Variants in OBSL1 observed in about 807,000 individuals in gnomAD.
OBSL1 encodes the protein obscurin like cytoskeletal adaptor 1.
A neutral mutation model predicts 172.0 loss-of-function variants in OBSL1; 160 were observed. The observed-to-expected ratio is 0.93, with a 90% CI of 0.82 to 1.06. OBSL1 has a LOEUF of 1.06. Among genes scored for constraint, OBSL1 ranks in the 50% least tolerant of loss-of-function variants. OBSL1 has a pLI of 0.00. For synonymous variants in OBSL1, 1,200 were observed against 1,196.3 expected, an observed-to-expected ratio of 1.00 and a Z score of -0.06; for missense variants, 2,681 against 2,715.4, an observed-to-expected ratio of 0.99 and a Z score of 0.28.
intron 6 of OBSL1, among the ~76,000 whole-genome samples, chr2:219,565,008 A>C (rs1696776429): frequency 1.3e-5 from 2 of 152,166 alleles, no homozygotes. Context: ...CGGAGGTTGC[A>C]ATGAGCTGAG....
downstream of OBSL1, chr2:219,549,670 G>C (rs1695499591): frequency 6.2e-7 from 1 of 1,602,758 alleles, no homozygotes; most frequent in South Asian, 1.1e-5. Context: ...TGGCTTTTAG[G>C]GCAGGATTCT....
chr2:219,554,591 T>C lies in OBSL1; in HGVS notation c.4759A>G (p.Ile1587Val), dbSNP rs1695863296. 2 of 1,613,216 alleles carry C rather than the reference T, an allele frequency of 1.2e-6. No individual in the cohort carries two copies. The highest frequency in any genetic ancestry group is 1.7e-5 in the Admixed American group (1 of 59,972). Residue 1587 changes from isoleucine to valine, a missense_variant, in exon 15 of 21, where the codon ATC becomes GTC. Physicochemically the swap from Ile to Val is conservative, Grantham distance 29. Coordinates refer to ENST00000404537, the MANE Select transcript of OBSL1 (RefSeq NM_015311.3). ...CGGTGACGGTGGCCGTCCGAGTGGA[T>C]GTGACACTTGGGTCCTGGATACAGC... The part of the protein sequence containing the change: ...VQLYPGPKCH[I>V]HSDGHRHRLV...
Position 219,555,041 on chromosome 2 carries a change from C to T in OBSL1, c.4610-301G>A. 9.4e-6 allele frequency: 4 copies of T among 425,994 alleles called. No individual in the cohort carries two copies. The East Asian group carries it at 1.5e-4, about 16-fold the overall frequency. 26.4% of individuals were successfully genotyped at this position (425,994 alleles called of 1,614,324 possible). On this transcript the variant is annotated intron_variant, in intron 14 of 20. Coordinates refer to ENST00000404537, the MANE Select transcript of OBSL1 (RefSeq NM_015311.3). ...AAGGAGCACGGAATTTGGAGTCAGA[C>T]ACACTAGGAATGGAACCTCGCTCTA... is the stretch of plus-strand genomic sequence containing the variant.
intron 15 of OBSL1, chr2:219,554,248 G>T (rs931707378): frequency 3.4e-6 from 2 of 595,696 alleles, no homozygotes; most frequent in Non-Finnish European, 5.9e-6. Flanking sequence ...CAGAGTCAGT[G>T]GTTGGCTGAG....
downstream of OBSL1, among the ~76,000 whole-genome samples, chr2:219,548,512 C>T (rs1695443265): frequency 6.6e-6 from 1 of 152,126 alleles, no homozygotes; most frequent in Admixed American, 6.5e-5. Flanking sequence ...GATATGTAAG[C>T]AGGCACTTGA....
At chr2:219,564,140 T>C (rs1197790741) in intron 6 of OBSL1, among the ~76,000 whole-genome samples, 1 of 152,084 alleles carries the variant, frequency 6.6e-6, no homozygotes, top group Non-Finnish European at 1.5e-5. Context: ...GTGAGATGAG[T>C]GGGATCCATG....
intron 8 of OBSL1, among the ~76,000 whole-genome samples, chr2:219,559,945 A>G (rs544853024): frequency 1.2e-4 from 18 of 152,378 alleles, no homozygotes; most frequent in African/African-American, 3.8e-4. Context: ...ATAGCTTCAG[A>G]GCAATCAAGC....
chr2:219,547,764 A>G, downstream of OBSL1: 1 of 1,593,934 alleles, frequency 6.3e-7, no homozygotes, highest in East Asian at 2.2e-5. Flanking sequence ...CCCTACTACC[A>G]GCCAGGCTCC....
chr2:219,549,226 C>T (rs745594376), downstream of OBSL1: 28 of 1,614,008 alleles, frequency 1.7e-5, no homozygotes, highest in East Asian at 8.9e-5. Flanking sequence ...GGAGAAAAGG[C>T]GGAAAAAGAG....
At position 219,557,326 on chromosome 2, in the gene OBSL1, G is replaced by A. The variant is rs1203284030; in HGVS notation, c.4066+17C>T. The A allele has an allele frequency of 1.3e-5, 19 of 1,468,992 alleles. No homozygotes were observed. Among genetic ancestry groups the A allele is most frequent in the Non-Finnish European group, 1.6e-5 (18 of 1,105,302 alleles). The allele number at this position is 1,468,992 out of a possible 1,614,324, so 91.0% of individuals were successfully genotyped here. On this transcript the variant is annotated intron_variant, in intron 12 of 20. Transcript: ENST00000404537. ...TGGGGTGCCACAGCCCACAGGGTGT[G>A]AGGGGTACACTGTTACCTTCCACGC...
chr2:219,563,054 C>T (rs1696612522), intron 7 of OBSL1: 1 of 484,422 alleles, frequency 2.1e-6, no homozygotes. Context: ...CCTGAGACCA[C>T]CAGCCCTAGA....
chr2:219,556,310 G>A lies in OBSL1; in HGVS notation c.4337-18C>T. 3 of 1,571,468 alleles carry A rather than the reference G, an allele frequency of 1.9e-6. No individual in the cohort carries two copies. The highest frequency in any genetic ancestry group is 1.7e-6 in the Non-Finnish European group (2 of 1,155,450). On this transcript the variant is annotated intron_variant, in intron 13 of 20. Transcript: ENST00000404537. ...CTCTGTCTCTGGTGGGGAAGAAGGA[G>A]GCCATGGAGTCTGGTGGGGTTGGAG... is the stretch of plus-strand genomic sequence containing the variant.
intron 6 of OBSL1, among the ~76,000 whole-genome samples, chr2:219,564,619 G>A (rs922634412): frequency 3.9e-5 from 6 of 152,234 alleles, no homozygotes; most frequent in African/African-American, 1.4e-4. Flanking sequence ...TGTGGACAGC[G>A]AGACAGTGTT....
chr2:219,567,065 G>C lies in OBSL1; in HGVS notation c.1899C>G (p.Ala633=), dbSNP rs747622984. Reference sequence around the variant, plus strand: ...TGGTGGAGAGATCGAGGGAGAAGACGGCATCTTCCCCGTCGTATACCTGCA... The same window carrying C: ...TGGTGGAGAGATCGAGGGAGAAGACCGCATCTTCCCCGTCGTATACCTGCA... ...EDVQVYDGED[A]VFSLDLSTII... The change falls in exon 5 of 21, where the codon GCC becomes GCG. Residue 633 remains alanine (A), a synonymous_variant. Coordinates refer to ENST00000404537, the MANE Select transcript of OBSL1 (RefSeq NM_015311.3). 4.3e-6 allele frequency: 7 copies of C among 1,613,208 alleles called. No individual in the cohort carries two copies. The highest frequency in any genetic ancestry group is 1.7e-4 in the Middle Eastern group (1 of 6,060).
chr2:219,549,697 C>G (rs750937466), downstream of OBSL1: 1 of 1,611,906 alleles, frequency 6.2e-7, no homozygotes, highest in Non-Finnish European at 8.5e-7. Flanking sequence ...GGACTCACAC[C>G]TATGTTTGCT....
At chr2:219,561,790 T>C in intron 8 of OBSL1, 1 of 699,402 alleles carries the variant, frequency 1.4e-6, no homozygotes, top group South Asian at 1.5e-5. Flanking sequence ...GGGGCCAGGT[T>C]AGGTTAGCGG....
At position 219,567,076 on chromosome 2, in the gene OBSL1, C is replaced by T. The variant is rs772799848; in HGVS notation, c.1888G>A (p.Gly630Arg). The change falls in exon 5 of 21, where the codon GGG (glycine) becomes AGG (arginine). Residue 630 changes from glycine to arginine, a missense_variant. Physicochemically the swap from Gly to Arg is moderately radical, Grantham distance 125. Around this residue, in one of 5 missense-constraint regions of OBSL1, gnomAD observed 53 missense variants for 85.5 expected, o/e 0.62. Transcript: ENST00000404537. ...TCGAGGGAGAAGACGGCATCTTCCC[C>T]GTCGTATACCTGCACATCCTCCAGA... ...AGLEDVQVYD[G>R]EDAVFSLDLS... The T allele has an allele frequency of 7.4e-6, 12 of 1,613,100 alleles. No homozygotes were observed. The highest frequency in any genetic ancestry group is 2.2e-5 in the South Asian group (2 of 91,002).
In OBSL1 at chr2:219,559,357, TCTC is replaced by T. The variant is rs1484655216; in HGVS notation, c.3091_3093del (p.Glu1031del). ...TCCCTCTCCAGCACCAGGGCCTCGC[TCTC>T]CTCCACTTCCAGCCCATCCTTGTAC... On this transcript the variant is annotated inframe_deletion, in exon 9 of 21. Transcript: ENST00000404537. 5 of 1,613,584 alleles carry T rather than the reference TCTC, an allele frequency of 3.1e-6. No homozygotes were observed. Among genetic ancestry groups the T allele is most frequent in the Admixed American group, 3.3e-5 (2 of 59,964 alleles).
At chr2:219,564,142 G>T (rs1696700952) in intron 6 of OBSL1, among the ~76,000 whole-genome samples, 1 of 152,190 alleles carries the variant, frequency 6.6e-6, no homozygotes, top group Non-Finnish European at 1.5e-5. Flanking sequence ...GAGATGAGTG[G>T]GATCCATGGT....
Sources: allele counts gnomAD v4.1 joint callset (sites outside exome capture counted in the v4.1 genomes callset), GRCh38; gene constraint gnomAD v4.1.1; regional missense constraint gnomAD v4.1.1; transcripts MANE v1.5; gene names NCBI Gene and HGNC (gene_info 2026-07-23, HGNC 2026-07-21).